ADARB2: variants seen among roughly 807,000 people sequenced by gnomAD.
ADARB2 encodes the protein inactive double-stranded RNA-specific editase B2.
In ADARB2, 25 loss-of-function variants were observed where a neutral mutation model predicts 62.2. The ratio of observed to expected loss-of-function variants is 0.40; its 90% CI spans 0.29 to 0.56. The LOEUF (loss-of-function observed/expected upper bound fraction) is 0.56. Among genes scored for constraint, ADARB2 ranks in the 20% least tolerant of loss-of-function variants. The probability of loss-of-function intolerance (pLI) is 0.43; values close to 1 mark genes in which losing one functional copy is unlikely to be tolerated. For synonymous variants in ADARB2, 572 were observed against 500.8 expected (o/e 1.14, Z -1.90); for missense variants, 1,071 against 1,077.4 (o/e 0.99, Z 0.08).
chr10:1,345,852 A>G (rs956613759), intron 3 of ADARB2, among the ~76,000 whole-genome samples: 1 of 152,196 alleles, frequency 6.6e-6, no homozygotes, highest in African/African-American at 2.4e-5. Context: ...AAGGATATTC[A>G]CTTAGATTTC....
At position 1,398,187 on chromosome 10, in the gene ADARB2, T is replaced by G. The variant is rs1306517184; in HGVS notation, c.101-19027A>C. 6.9e-6 allele frequency among the ~76,000 whole-genome samples: 1 copy of G among 145,266 alleles called. No homozygotes were observed. On this transcript the variant is annotated intron_variant, in intron 1 of 9. Transcript: ENST00000381312. This position sits in a 1 kb window ranked among gnomAD's most constrained non-coding sequence, Gnocchi z 4.1. ...CACCGTCCTCCTCTCCCGTCCCGAG[T>G]GCAGGCTTCCTGGGTCACCATCAGT...
intron 1 of ADARB2, among the ~76,000 whole-genome samples, chr10:1,391,474 C>A (rs1416088742): frequency 6.6e-6 from 1 of 152,138 alleles, no homozygotes; most frequent in Non-Finnish European, 1.5e-5. Flanking sequence ...TCTCACAGGC[C>A]CAACCACACA....
intron 1 of ADARB2, among the ~76,000 whole-genome samples, chr10:1,689,173 G>A (rs921228990): frequency 6.6e-6 from 1 of 152,328 alleles, no homozygotes; most frequent in South Asian, 2.1e-4. Flanking sequence ...TTTATAGGAT[G>A]GTGCTTGTGC....
chr10:1,717,046 T>A (rs749809635), intron 1 of ADARB2, among the ~76,000 whole-genome samples: 3 of 149,830 alleles, frequency 2.0e-5, no homozygotes, highest in Non-Finnish European at 4.4e-5. Flanking sequence ...ATTATTCTGA[T>A]CACAAGTTAT....
In ADARB2 at chr10:1,412,589, T is replaced by G. The variant is rs562529371; in HGVS notation, c.101-33429A>C. ...CGCATAAAGCACAAAATAATCCTCA[T>G]ATCTGCCAGAGGATGGGCCGGACCG... On this transcript the variant is annotated intron_variant, in intron 1 of 9. Coordinates refer to ENST00000381312, the MANE Select transcript of ADARB2 (RefSeq NM_018702.4). 1.6e-4 allele frequency among the ~76,000 whole-genome samples: 25 copies of G among 152,278 alleles called. No individual in the cohort carries two copies. In the South Asian group the frequency reaches 5.0e-3, roughly 30 times the overall value.
At position 1,704,275 on chromosome 10, in the gene ADARB2, A is replaced by AT. The variant is rs1289930647; in HGVS notation, c.100+32775dup. On this transcript the variant is annotated intron_variant, in intron 1 of 9. Transcript: ENST00000381312. This position sits in a 1 kb window ranked among gnomAD's most constrained non-coding sequence, Gnocchi z 5.6. ...ATTTCTATTAATATTACATTGTAAT[A>AT]TATAATGAAATAATTATATAACTCA... Among the ~76,000 whole-genome samples, 1 of 152,214 alleles carries AT rather than the reference A, an allele frequency of 6.6e-6. No individual in the cohort carries two copies. Among genetic ancestry groups the AT allele is most frequent in the African/African-American group, 2.4e-5 (1 of 41,440 alleles).
rs188856500 is a variant in ADARB2 at position 1,411,236 on chromosome 10, T to A, written c.101-32076A>T. On this transcript the variant is annotated intron_variant, in intron 1 of 9. Transcript: ENST00000381312. ...GTTCAGGCCTTCTGCACCTGTCTGC[T>A]CCAGGCTGCATGGTGGCTGAGGCAC... Among the ~76,000 whole-genome samples the A allele has an allele frequency of 1.5e-3, 223 of 152,268 alleles. 1 individual carries two copies. The highest frequency in any genetic ancestry group is 5.2e-3 in the African/African-American group (218 of 41,552).
chr10:1,646,991 A>G (rs1245887587), intron 1 of ADARB2, among the ~76,000 whole-genome samples: 1 of 152,208 alleles, frequency 6.6e-6, no homozygotes, highest in South Asian at 2.1e-4. Flanking sequence ...AGGCCCCACC[A>G]TTTTTGGGAG....
chr10:1,498,741 T>C (rs1418760783), intron 1 of ADARB2, among the ~76,000 whole-genome samples: 1 of 152,228 alleles, frequency 6.6e-6, no homozygotes, highest in African/African-American at 2.4e-5. Context: ...TTTGTATAAA[T>C]TTCAGAAATG....
chr10:1,688,756 C>T (rs1024587637), intron 1 of ADARB2, among the ~76,000 whole-genome samples: 2 of 152,188 alleles, frequency 1.3e-5, no homozygotes, highest in Admixed American at 1.3e-4. Flanking sequence ...TGGTGACTTA[C>T]GTTAGCGCTG....
intron 1 of ADARB2, among the ~76,000 whole-genome samples, chr10:1,622,669 A>G (rs374633803): frequency 1.5e-3 from 230 of 152,354 alleles, no homozygotes; most frequent in African/African-American, 5.3e-3. Context: ...AAAAAGACAG[A>G]AAATACCAAG....
In ADARB2 at chr10:1,477,257, G is replaced by A. The variant is rs529705637; in HGVS notation, c.101-98097C>T. On this transcript the variant is annotated intron_variant, in intron 1 of 9. Transcript: ENST00000381312. The surrounding 1 kb of genome is among the most constrained non-coding windows in gnomAD (Gnocchi z 4.5). ...AGTCCTGATAAGATTAGTAAGTAACGTTGAGGAAGGCGCTACAGGTCGGGG... is the reference window on the plus strand; with the variant it reads ...AGTCCTGATAAGATTAGTAAGTAACATTGAGGAAGGCGCTACAGGTCGGGG... Among the ~76,000 whole-genome samples the A allele has an allele frequency of 8.5e-5, 13 of 152,314 alleles. No homozygotes were observed. The South Asian group carries it at 2.5e-3, about 29-fold the overall frequency.
intron 1 of ADARB2, among the ~76,000 whole-genome samples, chr10:1,611,949 GTTTC>G (rs1463471919): frequency 3.3e-5 from 5 of 152,100 alleles, no homozygotes; most frequent in Admixed American, 6.5e-5. Flanking sequence ...GCCCTTGTCT[GTTTC>G]TTTCTGTTTC....
At position 1,260,149 on chromosome 10, in the gene ADARB2, T is replaced by C. The variant is rs186938794; in HGVS notation, c.1192+10806A>G. ...ATAAATTAGTTATTGATGGGACGTA[T>C]CTGAAAATAATAAGAGCTATCTATG... On this transcript the variant is annotated intron_variant, in intron 4 of 9. Transcript: ENST00000381312. Among the ~76,000 whole-genome samples the C allele has an allele frequency of 3.2e-3, 486 of 152,226 alleles. 3 individuals are homozygous for C. Among genetic ancestry groups the C allele is most frequent in the African/African-American group, 0.011 (465 of 41,514 alleles).
At chr10:1,405,174 A>C (rs1169156269) in intron 1 of ADARB2, among the ~76,000 whole-genome samples, 1 of 152,234 alleles carries the variant, frequency 6.6e-6, no homozygotes, top group African/African-American at 2.4e-5. Context: ...CCTGTGCCAG[A>C]TGCAGTAAGA....
chr10:1,649,602 T>C lies in ADARB2; in HGVS notation c.100+87449A>G, dbSNP rs138348138. On this transcript the variant is annotated intron_variant, in intron 1 of 9. Transcript: ENST00000381312. ...CATATGTGAAATTCTAATTGGTTGA[T>C]TGCTTTGCCAGAAATGACCCTATAA... is the stretch of plus-strand genomic sequence containing the variant. Among the ~76,000 whole-genome samples, 1,290 of 152,364 alleles carry C rather than the reference T, an allele frequency of 8.5e-3. 5 individuals carry two copies. The highest frequency in any genetic ancestry group is 0.031 in the Middle Eastern group (9 of 294).
rs75622616 is a variant in ADARB2 at position 1,284,066 on chromosome 10, C to T, written c.1078-12997G>A. 3.4e-3 allele frequency among the ~76,000 whole-genome samples: 523 copies of T among 151,976 alleles called. 16 individuals are homozygous for T. The East Asian group carries it at 0.069, about 20-fold the overall frequency. On this transcript the variant is annotated intron_variant, in intron 3 of 9. Transcript: ENST00000381312. ...CACTCACTACAGGAGAGTGTAGGGT[C>T]TCGATTCCAGGCCAAGGAGTTCATC...
At chr10:1,306,211 T>C (rs1402782509) in intron 3 of ADARB2, among the ~76,000 whole-genome samples, 1 of 151,428 alleles carries the variant, frequency 6.6e-6, no homozygotes, top group African/African-American at 2.4e-5. Context: ...TTCAGCAAAG[T>C]CTCAGGATAC....
At chr10:1,311,000 GTC>G (rs1213029045) in intron 3 of ADARB2, among the ~76,000 whole-genome samples, 2 of 152,188 alleles carry the variant, frequency 1.3e-5, no homozygotes, top group African/African-American at 4.8e-5. Context: ...GTTGCCACTG[GTC>G]TGCCACAATC....
Sources: gnomAD v4.1 joint callset for allele counts (sites outside exome capture counted in the v4.1 genomes callset) on GRCh38, gnomAD v4.1.1 for gene constraint, Gnocchi (gnomAD v3.1) non-coding constraint, MANE v1.5 for transcripts, NCBI Gene and HGNC (gene_info 2026-07-23, HGNC 2026-07-21) for gene names.